The following GALT variants were observed in gnomAD, a reference collection of about 807,000 sequenced individuals.
The protein encoded by GALT is UDP-glucose--hexose-1-phosphate uridylyltransferase.
A neutral mutation model predicts 55.4 loss-of-function variants in GALT; 42 were observed. That is an observed-to-expected ratio of 0.76 (90% confidence interval 0.59 to 0.98). The LOEUF is 0.98. Ranked by LOEUF, GALT falls within the 50% of genes least tolerant of loss-of-function variation. GALT has a pLI of 0.00. For missense variants in GALT, 407 were observed against 495.7 expected (o/e 0.82, Z 1.70); for synonymous variants, 154 against 181.5 (o/e 0.85, Z 1.22).
chr9:34,648,728 C>T lies in GALT; in HGVS notation c.688-34C>T. 1 of 1,611,752 alleles carries T rather than the reference C, an allele frequency of 6.2e-7. No homozygotes were observed. Among genetic ancestry groups the T allele is most frequent in the African/African-American group, 1.3e-5 (1 of 75,030 alleles). On this transcript the variant is annotated intron_variant, in intron 7 of 10. Transcript: ENST00000378842. The surrounding 1 kb of genome is among the most constrained non-coding windows in gnomAD (Gnocchi z 4.9). ...TGACCACACTCCGGCTCCTATGTCA[C>T]CTTGATGACTTCCTATCCATTCTGT...
intron 1 of GALT, 93 bp downstream of exon 1, chr9:34,646,879 C>T: frequency 6.2e-7 from 1 of 1,607,646 alleles, no homozygotes; most frequent in East Asian, 2.2e-5. Flanking sequence ...TTGGAACGCT[C>T]ATCCCGAGCC....
At position 34,646,755 on chromosome 9, in the gene GALT, G is replaced by A. The variant is rs1205835761; in HGVS notation, c.51G>A (p.Ala17=). 2 of 1,613,574 alleles carry A rather than the reference G, an allele frequency of 1.2e-6. No homozygotes were observed. The highest frequency in any genetic ancestry group is 1.7e-6 in the Non-Finnish European group (2 of 1,179,966). ...AGCAACGCCAGCAGGCGTCAGAGGC[G>A]GACGCCGCAGCAGCAACCTTCCGGG... ...DPQQRQQASE[A]DAAAATFRAN... Residue 17 remains alanine, a synonymous_variant, in exon 1 of 11, where the codon GCG becomes GCA. Transcript: ENST00000378842.
Position 34,649,704 on chromosome 9 carries a change from G to A in GALT, c.1059+140G>A. ...GGCAGGAAGGGACTGCCAAAGTTAG[G>A]AGCCCTAGGGCCTGGAAGGAGAGTA... On this transcript the variant is annotated intron_variant, in intron 10 of 10. Coordinates refer to ENST00000378842, the MANE Select transcript of GALT (RefSeq NM_000155.4). 6 of 946,948 alleles carry A rather than the reference G, an allele frequency of 6.3e-6. 1 individual carries two copies. The highest frequency in any genetic ancestry group is 2.7e-4 in the Middle Eastern group (1 of 3,766). 58.7% of individuals were successfully genotyped at this position (946,948 alleles called of 1,614,324 possible).
intron 10 of GALT, 142 bp from the exon 11 acceptor site, chr9:34,650,227 C>A: frequency 1.5e-6 from 1 of 651,986 alleles, no homozygotes. Flanking sequence ...CTGCAGTGAG[C>A]CATCATCATG....
rs1414791300 is a variant in GALT, at chr9:34,648,910, A to C, written c.820+16A>C. 6.2e-7 allele frequency: 1 copy of C among 1,613,660 alleles called. No individual in the cohort carries two copies. The highest frequency in any genetic ancestry group is 1.3e-5 in the African/African-American group (1 of 75,022). On this transcript the variant is annotated intron_variant, in intron 8 of 10. Transcript: ENST00000378842. This position sits in a 1 kb window ranked among gnomAD's most constrained non-coding sequence, Gnocchi z 4.9. Reference sequence around the variant, plus strand: ...GAGCGTGATGGTCAGTCTCCCAAGTAGGATCCTGGGGCTAGGCACTGGATG... The same window carrying C: ...GAGCGTGATGGTCAGTCTCCCAAGTCGGATCCTGGGGCTAGGCACTGGATG...
chr9:34,646,728 T>G lies in GALT; in HGVS notation c.24T>G (p.Pro8=), dbSNP rs147803976. Residue 8 remains proline, a synonymous_variant, in exon 1 of 11, where the codon CCT becomes CCG. Coordinates refer to ENST00000378842, the MANE Select transcript of GALT (RefSeq NM_000155.4). ...TCATGTCGCGCAGTGGAACCGATCC[T>G]CAGCAACGCCAGCAGGCGTCAGAGG... MSRSGTD[P]QQRQQASEAD... The G allele has an allele frequency of 6.2e-7, 1 of 1,613,664 alleles. No individual in the cohort carries two copies. The highest frequency in any genetic ancestry group is 8.5e-7 in the Non-Finnish European group (1 of 1,179,976).
chr9:34,649,504 GA>G lies in GALT; in HGVS notation c.1002del (p.Lys334AsnfsTer25). Reference protein sequence around the residue: ...PPLLRSATVRKFMVGYEMLAQ... With the variant: ...PPLLRSATVRXFMVGYEMLAQ... The stretch of plus-strand genomic sequence containing the variant: ...CGCTCCTGCGCTCTGCCACTGTCCG[GA>G]AATTCATGGTTGGCTACGAAATGCT... On this transcript the variant is annotated frameshift_variant, in exon 10 of 11. Coordinates refer to ENST00000378842, the MANE Select transcript of GALT (RefSeq NM_000155.4). LOFTEE classifies it high-confidence loss of function. The G allele has an allele frequency of 6.2e-7, 1 of 1,614,168 alleles. No homozygotes were observed. Among genetic ancestry groups the G allele is most frequent in the South Asian group, 1.1e-5 (1 of 91,082 alleles).
chr9:34,649,992 T>C (rs949255545), intron 10 of GALT: 1 of 304,332 alleles, frequency 3.3e-6, no homozygotes, highest in Admixed American at 4.6e-5. Flanking sequence ...CAGAACTCCA[T>C]ACCATCGGCC....
In GALT at chr9:34,646,803, A is replaced by C. The variant is rs762189546; in HGVS notation, c.82+17A>C. 1.4e-5 allele frequency: 22 copies of C among 1,613,228 alleles called. No individual in the cohort carries two copies. Among genetic ancestry groups the C allele is most frequent in the Non-Finnish European group, 1.8e-5 (21 of 1,179,872 alleles). On this transcript the variant is annotated intron_variant, in intron 1 of 10. Coordinates refer to ENST00000378842, the MANE Select transcript of GALT (RefSeq NM_000155.4). ...GGGCAAACGGTAACTGCACCGCGGCAGGGACTCGCTGGGGCGCGGAGCCGA... is the reference window on the plus strand; with the variant it reads ...GGGCAAACGGTAACTGCACCGCGGCCGGGACTCGCTGGGGCGCGGAGCCGA...
Position 34,648,735 on chromosome 9 carries a change from G to A in GALT, c.688-27G>A. 1 of 1,612,082 alleles carries A rather than the reference G, an allele frequency of 6.2e-7. No individual in the cohort carries two copies. Among genetic ancestry groups the A allele is most frequent in the Non-Finnish European group, 8.5e-7 (1 of 1,179,930 alleles). ...ACTCCGGCTCCTATGTCACCTTGAT[G>A]ACTTCCTATCCATTCTGTCTTCCTA... On this transcript the variant is annotated intron_variant, in intron 7 of 10. Transcript: ENST00000378842. The surrounding 1 kb of genome is among the most constrained non-coding windows in gnomAD (Gnocchi z 4.9).
In GALT at chr9:34,649,013, T is replaced by C. The variant is rs111033779; in HGVS notation, c.836T>C (p.Met279Thr). ...PAERDDLASI[M>T]KKLLTKYDNL... The stretch of plus-strand genomic sequence containing the variant: ...CTGATTCCAGATCTAGCCTCCATCA[T>C]GAAGAAGCTCTTGACCAAGTATGAC... Residue 279 changes from methionine to threonine, a missense_variant, in exon 9 of 11, where the codon ATG becomes ACG. Coordinates refer to ENST00000378842, the MANE Select transcript of GALT (RefSeq NM_000155.4). 1.9e-6 allele frequency: 3 copies of C among 1,614,132 alleles called. No individual in the cohort carries two copies. The highest frequency in any genetic ancestry group is 1.1e-5 in the South Asian group (1 of 91,088).
Position 34,648,778 on chromosome 9 carries a change from C to T in GALT, c.704C>T (p.Thr235Ile). 3 of 1,613,466 alleles carry T rather than the reference C, an allele frequency of 1.9e-6. No individual in the cohort carries two copies. Among genetic ancestry groups the T allele is most frequent in the South Asian group, 2.2e-5 (2 of 91,078 alleles). ...TCTTCCTAGGAACGTCTGGTCCTAA[C>T]CAGTGAGCACTGGTTAGTACTGGTC... ...ELLRKERLVL[T>I]SEHWLVLVPF... The change falls in exon 8 of 11, where the codon ACC becomes ATC. Residue 235 changes from threonine to isoleucine, a missense_variant. Thr to Ile is a moderately conservative substitution (Grantham distance 89). Coordinates refer to ENST00000378842, the MANE Select transcript of GALT (RefSeq NM_000155.4). This position sits in a 1 kb window ranked among gnomAD's most constrained non-coding sequence, Gnocchi z 4.9.
At chr9:34,646,945 T>A in intron 1 of GALT, 144 bp from the exon 2 acceptor site, 1 of 1,605,496 alleles carries the variant, frequency 6.2e-7, no homozygotes, top group Non-Finnish European at 8.5e-7. Flanking sequence ...CAATTGGCGC[T>A]GGGAAAGTCC....
Position 34,648,353 on chromosome 9 carries a change from T to C in GALT, c.584T>C (p.Leu195Pro), listed in dbSNP as rs111033728. The change falls in exon 7 of 11, where the codon CTG becomes CCG. Residue 195 changes from leucine (L) to proline (P), a missense_variant. By Grantham distance (98) the Leu-to-Pro change is moderately conservative (BLOSUM62 -3). Coordinates refer to ENST00000378842, the MANE Select transcript of GALT (RefSeq NM_000155.4). This position sits in a 1 kb window ranked among gnomAD's most constrained non-coding sequence, Gnocchi z 4.9. ...TGACAGGTATGGGCCAGCAGTTTCC[T>C]GCCAGATATTGCCCAGCGTGAGGAG... ...PHCQVWASSF[L>P]PDIAQREERS... is the part of the protein sequence containing the mutation. The C allele has an allele frequency of 1.8e-4, 284 of 1,614,078 alleles. No individual in the cohort carries two copies. Among genetic ancestry groups the C allele is most frequent in the Non-Finnish European group, 2.4e-4 (278 of 1,180,046 alleles).
intron 9 of GALT, 74 bp from the exon 10 acceptor site, chr9:34,649,336 G>A: frequency 6.3e-7 from 1 of 1,593,852 alleles, no homozygotes; most frequent in Non-Finnish European, 8.6e-7. Flanking sequence ...ACCTGGTTGG[G>A]TTTGGGAGTA....
rs942279523 is a variant in GALT at position 34,648,648 on chromosome 9, A to G, written c.688-114A>G. ...CGGGTGGTTAGTGGTAGAGGTGGTG[A>G]GAAGACATCAGATCCTGGGCACATT... On this transcript the variant is annotated intron_variant, in intron 7 of 10. Transcript: ENST00000378842. This position sits in a 1 kb window ranked among gnomAD's most constrained non-coding sequence, Gnocchi z 4.9. The G allele has an allele frequency of 2.0e-6, 3 of 1,502,836 alleles. No individual in the cohort carries two copies. In the African/African-American group the frequency reaches 4.1e-5, roughly 21 times the overall value. 93.1% of individuals were successfully genotyped at this position (1,502,836 alleles called of 1,614,324 possible).
chr9:34,648,623 C>T lies in GALT; in HGVS notation c.688-139C>T, dbSNP rs1821171322. 7.4e-6 allele frequency: 11 copies of T among 1,479,386 alleles called. No individual in the cohort carries two copies. The highest frequency in any genetic ancestry group is 1.7e-4 in the Middle Eastern group (1 of 5,802). 91.6% of individuals were successfully genotyped at this position (1,479,386 alleles called of 1,614,324 possible). ...AGGAAAGATGATGGTGACTTAGACTCGGGTGGTTAGTGGTAGAGGTGGTGA... is the reference window on the plus strand; with the variant it reads ...AGGAAAGATGATGGTGACTTAGACTTGGGTGGTTAGTGGTAGAGGTGGTGA... On this transcript the variant is annotated intron_variant, in intron 7 of 10. Coordinates refer to ENST00000378842, the MANE Select transcript of GALT (RefSeq NM_000155.4). The surrounding 1 kb of genome is among the most constrained non-coding windows in gnomAD (Gnocchi z 4.9).
At chr9:34,649,871 C>T (rs1374949805) in intron 10 of GALT, 1 of 359,896 alleles carries the variant, frequency 2.8e-6, no homozygotes, top group Non-Finnish European at 5.1e-6. Flanking sequence ...TTCAGCAGTC[C>T]TTATCACCAG....
At position 34,649,403 on chromosome 9, in the gene GALT, C is replaced by G; in HGVS notation, c.905-7C>G. On this transcript the variant is annotated splice_region_variant and splice_polypyrimidine_tract_variant and intron_variant, in intron 9 of 10. Transcript: ENST00000378842. ...TCTCTCCCCACTGTCTCTCTTCTTTCTGTCAGGGGCTCCCACAGGATCAGA... is the reference window on the plus strand; with the variant it reads ...TCTCTCCCCACTGTCTCTCTTCTTTGTGTCAGGGGCTCCCACAGGATCAGA... The G allele has an allele frequency of 6.2e-7, 1 of 1,614,144 alleles. No individual in the cohort carries two copies. Among genetic ancestry groups the G allele is most frequent in the Non-Finnish European group, 8.5e-7 (1 of 1,180,034 alleles).
Sources: allele counts gnomAD v4.1 joint callset, GRCh38; gene constraint gnomAD v4.1.1; non-coding constraint Gnocchi (gnomAD v3.1); transcripts MANE v1.5; gene names NCBI Gene and HGNC (gene_info 2026-07-23, HGNC 2026-07-21).